The following ITIH6 variants were observed in gnomAD, a reference collection of about 807,000 sequenced individuals.
The protein encoded by ITIH6 is inter-alpha-trypsin inhibitor heavy chain family member 6.
In ITIH6, 60 loss-of-function variants were observed where a neutral mutation model predicts 58.2. The ratio of observed to expected loss-of-function variants is 1.03; its 90% confidence interval spans 0.84 to 1.28. The LOEUF is 1.28. ITIH6 is among the 50% of genes most tolerant of loss of function. ITIH6 has a pLI of 0.00. For missense variants in ITIH6, 1,290 were observed against 1,021.1 expected, an observed-to-expected ratio of 1.26 and a Z score of -3.59; for synonymous variants, 493 against 417.4, an observed-to-expected ratio of 1.18 and a Z score of -2.21.
Position 54,757,015 on chromosome X carries a change from T to C in ITIH6, c.3059A>G (p.Glu1020Gly). 1 of 1,208,813 alleles carries C rather than the reference T, an allele frequency of 8.3e-7. No individual in the cohort carries two copies. The highest frequency in any genetic ancestry group is 1.1e-6 in the Non-Finnish European group (1 of 894,102). ...SESMVESKFV[E>G]SLNPPAFYTF... ...ATAGAAAGCTGGTGGGTTCAAGGAC[T>C]CCACGAACTTGGATTCCACCATTGA... Residue 1020 changes from glutamate (E) to glycine (G), a missense_variant, in exon 8 of 13, where the codon GAG becomes GGG. Physicochemically the swap from Glu to Gly is moderately conservative, Grantham distance 98. Coordinates refer to ENST00000218436, the MANE Select transcript of ITIH6 (RefSeq NM_198510.3).
chrX:54,794,650 G>T (rs762451535), intron 2 of ITIH6, among the ~76,000 whole-genome samples: 1 of 111,385 alleles, frequency 9.0e-6, no homozygotes, highest in Non-Finnish European at 1.9e-5. Flanking sequence ...AGTGCCAGGA[G>T]GTTCTTGATG....
chrX:54,797,811 C>T (rs748565948), intron 1 of ITIH6, among the ~76,000 whole-genome samples: 5 of 111,338 alleles, frequency 4.5e-5, no homozygotes, highest in Non-Finnish European at 7.5e-5. Context: ...TGAGATCAGA[C>T]GGTTCTGCCA....
At chrX:54,795,955 C>G (rs1280034776) in intron 2 of ITIH6, among the ~76,000 whole-genome samples, 1 of 112,301 alleles carries the variant, frequency 8.9e-6, no homozygotes, top group African/African-American at 3.2e-5. Flanking sequence ...GCCTCAACTT[C>G]CCATGTTCAA....
chrX:54,759,022 A>T, intron 7 of ITIH6, 24 bp from the exon 8 acceptor site: 1 of 1,073,953 alleles, frequency 9.3e-7, no homozygotes, highest in South Asian at 2.3e-5. Context: ...AGATTGTGAG[A>T]CCATCTTCTC....
intron 5 of ITIH6, among the ~76,000 whole-genome samples, chrX:54,774,799 C>T (rs1413031834): frequency 8.9e-6 from 1 of 111,757 alleles, no homozygotes; most frequent in Non-Finnish European, 1.9e-5. Flanking sequence ...GCTGACTCCC[C>T]TCCCCCACTC....
rs1264072645 is a variant in ITIH6, at chrX:54,750,035, G to A, written c.3802C>T (p.Pro1268Ser). The change falls in exon 13 of 13, where the codon CCA becomes TCA. Residue 1268 changes from proline to serine, a missense_variant. Physicochemically the swap from Pro to Ser is moderately conservative, Grantham distance 74 (BLOSUM62 -1). Coordinates refer to ENST00000218436, the MANE Select transcript of ITIH6 (RefSeq NM_198510.3). ...MGPCLRRHHG[P>S]DVPVILGKRL... ...TTGCCTAGAATCACAGGCACATCTG[G>A]GCCATGGTGCCTTCGTAAGCATGGC... The A allele has an allele frequency of 8.3e-7, 1 of 1,209,393 alleles. No homozygotes were observed. The highest frequency in any genetic ancestry group is 1.1e-6 in the Non-Finnish European group (1 of 894,756).
chrX:54,755,422 G>A (rs73212560), intron 8 of ITIH6, among the ~76,000 whole-genome samples: 2 of 112,017 alleles, frequency 1.8e-5, no homozygotes, highest in Non-Finnish European at 3.8e-5. Flanking sequence ...AGTTTAGTAG[G>A]GGGTGGCAGA....
intron 11 of ITIH6, 92 bp downstream of exon 11, chrX:54,753,559 G>A: frequency 1.7e-6 from 1 of 588,335 alleles, no homozygotes; most frequent in African/African-American, 2.2e-5. Context: ...GCATTGCTAT[G>A]TGTCTGGGGT....
intron 9 of ITIH6, 33 bp from the exon 10 acceptor site, chrX:54,753,998 G>A (rs1237759443): frequency 1.7e-6 from 2 of 1,182,212 alleles, no homozygotes; most frequent in African/African-American, 1.8e-5. Context: ...GTTGGGAAGG[G>A]ACTAATGTAT....
intron 6 of ITIH6, among the ~76,000 whole-genome samples, chrX:54,765,268 G>T (rs1928747345): frequency 4.5e-5 from 3 of 66,954 alleles, no homozygotes; most frequent in Admixed American, 1.9e-4. Context: ...AGTTTAATTA[G>T]ATCCCATTTG....
At position 54,788,221 on chromosome X, in the gene ITIH6, T is replaced by C. The variant is rs762577024; in HGVS notation, c.786+259A>G. 1.3e-4 allele frequency among the ~76,000 whole-genome samples: 14 copies of C among 111,805 alleles called. 1 individual carries two copies. Among genetic ancestry groups the C allele is most frequent in the South Asian group, 1.1e-3 (3 of 2,635 alleles). On this transcript the variant is annotated intron_variant, in intron 5 of 12. Coordinates refer to ENST00000218436, the MANE Select transcript of ITIH6 (RefSeq NM_198510.3). ...ACTTTGCAGAAGGACTGTTTTCGAG[T>C]AGGCTATGACTTGATTCAGTTAGGG...
At chrX:54,769,284 A>AT (rs1402509176) in intron 6 of ITIH6, among the ~76,000 whole-genome samples, 1 of 71,885 alleles carries the variant, frequency 1.4e-5, no homozygotes. Context: ...ATTCTTCTAA[A>AT]TTTTTTTCAA....
chrX:54,790,874 G>A lies in ITIH6; in HGVS notation c.579C>T (p.Pro193=), dbSNP rs1022033623. 6 of 1,212,136 alleles carry A rather than the reference G, an allele frequency of 4.9e-6. No homozygotes were observed. The South Asian group carries it at 5.3e-5, about 11-fold the overall frequency. ...RTGISYVHIP[P]LRTGRLRTNA... ...TGGTGCGCAGACGGCCGGTCCTCAG[G>A]GGTGGTATGTGCACATAGGAGATGC... The change falls in exon 4 of 13, where the codon CCC becomes CCT. Residue 193 remains proline, a synonymous_variant. Transcript: ENST00000218436.
rs201177729 is a variant in ITIH6 at position 54,758,389 on chromosome X, C to A, written c.1685G>T (p.Arg562Leu). Residue 562 changes from arginine (R) to leucine (L), a missense_variant, in exon 8 of 13, where the codon CGC becomes CTC. Coordinates refer to ENST00000218436, the MANE Select transcript of ITIH6 (RefSeq NM_198510.3). ...PAPNVAHFIR[R>L]LWAYVTIGEL... ...TCCAATGGTGACATAGGCCCAGAGG[C>A]GGCGGATGAAGTGGGCCACATTGGG... is the stretch of plus-strand genomic sequence containing the variant. 2 of 1,211,007 alleles carry A rather than the reference C, an allele frequency of 1.7e-6. No individual in the cohort carries two copies. Among genetic ancestry groups the A allele is most frequent in the East Asian group, 3.0e-5 (1 of 33,800 alleles).
Position 54,792,872 on chromosome X carries a change from C to A in ITIH6, c.258-836G>T, listed in dbSNP as rs912143046. On this transcript the variant is annotated intron_variant, in intron 2 of 12. Coordinates refer to ENST00000218436, the MANE Select transcript of ITIH6 (RefSeq NM_198510.3). ...GATATGGATAAATAATCCTCACTGG[C>A]CATGCCTTCTCAGTTTCCTCTGTTG... is the stretch of plus-strand genomic sequence containing the variant. 8.9e-5 allele frequency among the ~76,000 whole-genome samples: 10 copies of A among 111,808 alleles called. No individual in the cohort carries two copies. In the East Asian group the frequency reaches 2.8e-3, roughly 31 times the overall value.
At chrX:54,759,255 G>A (rs1173733871) in intron 7 of ITIH6, among the ~76,000 whole-genome samples, 6 of 110,776 alleles carry the variant, frequency 5.4e-5, no homozygotes, top group South Asian at 7.8e-4. Flanking sequence ...GTGCAGGGTC[G>A]AGGGGGGAGA....
At chrX:54,763,167 A>G (rs2079699719) in intron 6 of ITIH6, among the ~76,000 whole-genome samples, 1 of 111,977 alleles carries the variant, frequency 8.9e-6, no homozygotes, top group Non-Finnish European at 1.9e-5. Context: ...GACACTTGAG[A>G]CCCACCTTTC....
At chrX:54,785,236 G>A (rs1929221923) in intron 5 of ITIH6, among the ~76,000 whole-genome samples, 1 of 108,810 alleles carries the variant, frequency 9.2e-6, no homozygotes, top group South Asian at 4.2e-4. Flanking sequence ...GGGGGGTGGG[G>A]AAGGCAGGGA....
intron 5 of ITIH6, among the ~76,000 whole-genome samples, chrX:54,780,281 A>G (rs1003969241): frequency 8.9e-6 from 1 of 112,266 alleles, no homozygotes; most frequent in Non-Finnish European, 1.9e-5. Context: ...TCACAAAGCA[A>G]GACTCAAAAT....
Sources: gnomAD v4.1 joint callset for allele counts (sites outside exome capture counted in the v4.1 genomes callset) on GRCh38, gnomAD v4.1.1 for gene constraint, MANE v1.5 for transcripts, NCBI Gene and HGNC (gene_info 2026-07-23, HGNC 2026-07-21) for gene names.